RELL1: variants seen among roughly 807,000 people sequenced by gnomAD.
RELL1 encodes the protein RELT-like protein 1.
A neutral mutation model predicts 23.0 loss-of-function variants in RELL1; 10 were observed. That is an observed-to-expected ratio of 0.43 (90% CI 0.27 to 0.74). The LOEUF is 0.74. Among genes scored for constraint, RELL1 ranks in the 30% least tolerant of loss-of-function variants. The probability of loss-of-function intolerance (pLI) is 0.19; values close to 1 mark genes in which losing one functional copy is unlikely to be tolerated. For missense variants in RELL1, 315 were observed against 364.4 expected, an observed-to-expected ratio of 0.86 and a Z score of 1.10; for synonymous variants, 146 against 146.8, an observed-to-expected ratio of 0.99 and a Z score of 0.04.
intron 6 of RELL1, among the ~76,000 whole-genome samples, chr4:37,598,252 CAAAA>C (rs56142508): frequency 3.7e-3 from 42 of 11,308 alleles, no homozygotes; most frequent in African/African-American, 0.014. Flanking sequence ...AACTCTGTCT[CAAAA>C]AAAAAAAAAA....
intron 1 of RELL1, among the ~76,000 whole-genome samples, chr4:37,666,981 G>C (rs999833095): frequency 6.6e-6 from 1 of 152,164 alleles, no homozygotes; most frequent in African/African-American, 2.4e-5. Flanking sequence ...ATCTGTCCCG[G>C]CTGAAGTCCC....
intron 5 of RELL1, among the ~76,000 whole-genome samples, chr4:37,634,232 G>C (rs374214802): frequency 5.2e-5 from 8 of 152,382 alleles, no homozygotes; most frequent in African/African-American, 1.9e-4. Context: ...ACAGTGGAAA[G>C]CACCACCCAC....
At chr4:37,607,143 A>AT (rs1173169475), downstream of RELL1, among the ~76,000 whole-genome samples, 2 of 152,218 alleles carry the variant, frequency 1.3e-5, no homozygotes, top group African/African-American at 2.4e-5. Flanking sequence ...ACAAGAAAAG[A>AT]CTAAAGGGCA....
chr4:37,626,988 A>G (rs571981631), intron 6 of RELL1, among the ~76,000 whole-genome samples: 68 of 152,342 alleles, frequency 4.5e-4, no homozygotes, highest in African/African-American at 1.5e-3. Context: ...AATGTATCAT[A>G]TTCTTAAAAA....
intron 6 of RELL1, among the ~76,000 whole-genome samples, chr4:37,600,531 TTCA>T (rs1350767941): frequency 2.0e-5 from 3 of 152,196 alleles, no homozygotes; most frequent in South Asian, 2.1e-4. Context: ...TCTCATTATC[TTCA>T]TCATTTAACA....
downstream of RELL1, chr4:37,588,555 CCTT>C (rs1408010683): frequency 6.1e-6 from 2 of 326,490 alleles, no homozygotes; most frequent in Non-Finnish European, 1.1e-5. Context: ...CATCCTTCCA[CCTT>C]CTTCTCCTCA....
intron 1 of RELL1, among the ~76,000 whole-genome samples, chr4:37,654,153 T>C (rs1721042388): frequency 6.6e-6 from 1 of 152,216 alleles, no homozygotes. Flanking sequence ...GTCATAATCA[T>C]AAAAGACCTG....
intron 6 of RELL1, among the ~76,000 whole-genome samples, chr4:37,619,479 C>T (rs1719696811): frequency 6.6e-6 from 1 of 152,120 alleles, no homozygotes; most frequent in Non-Finnish European, 1.5e-5. Flanking sequence ...CCGCACCCAG[C>T]CCCTGCACCC....
chr4:37,613,577 T>C (rs4832924), intron 6 of RELL1, among the ~76,000 whole-genome samples: 151,673 of 152,244 alleles, frequency 1, 75,557 homozygotes, highest in Middle Eastern at 1. Flanking sequence ...GCTGTTTAAA[T>C]GTATGTGCCC....
chr4:37,609,736 A>G (rs938670798), downstream of RELL1, among the ~76,000 whole-genome samples: 1 of 152,222 alleles, frequency 6.6e-6, no homozygotes, highest in African/African-American at 2.4e-5. Context: ...AAGTCACTGC[A>G]GATGTGGTGG....
chr4:37,651,168 T>G (rs993789574), intron 1 of RELL1, among the ~76,000 whole-genome samples: 3 of 152,154 alleles, frequency 2.0e-5, no homozygotes, highest in Non-Finnish European at 4.4e-5. Flanking sequence ...CCACTATTAA[T>G]ATTTAGGCTG....
chr4:37,590,633 G>A (rs746307400), downstream of RELL1: 11 of 1,614,028 alleles, frequency 6.8e-6, no homozygotes, highest in Non-Finnish European at 9.3e-6. Flanking sequence ...CAGCATTGGG[G>A]CCCAGCTGGA....
intron 6 of RELL1, among the ~76,000 whole-genome samples, chr4:37,617,065 C>T (rs1316516815): frequency 1.3e-5 from 2 of 152,180 alleles, no homozygotes; most frequent in African/African-American, 4.8e-5. Flanking sequence ...TCTTGTTTAA[C>T]AAACCCAATA....
downstream of RELL1, among the ~76,000 whole-genome samples, chr4:37,586,986 G>C (rs1390504227): frequency 6.6e-6 from 1 of 152,138 alleles, no homozygotes; most frequent in Non-Finnish European, 1.5e-5. Flanking sequence ...TCTGAAATTG[G>C]TATCAGTGGG....
At chr4:37,631,655 A>T in intron 5 of RELL1, 132 bp from the exon 6 acceptor site, 1 of 915,594 alleles carries the variant, frequency 1.1e-6, no homozygotes, top group Non-Finnish European at 1.6e-6. Context: ...ATGAAAAACA[A>T]CATATTCGAA....
At chr4:37,630,295 A>C (rs1376185904) in intron 6 of RELL1, among the ~76,000 whole-genome samples, 1 of 149,974 alleles carries the variant, frequency 6.7e-6, no homozygotes. Context: ...GAAATAAAGG[A>C]GTTAAGATGA....
chr4:37,658,636 T>C (rs1257864429), intron 1 of RELL1, among the ~76,000 whole-genome samples: 1 of 152,100 alleles, frequency 6.6e-6, no homozygotes, highest in African/African-American at 2.4e-5. Flanking sequence ...AAACACACTT[T>C]ATGTTACTCT....
intron 1 of RELL1, among the ~76,000 whole-genome samples, chr4:37,651,428 T>G (rs1489608465): frequency 6.6e-6 from 1 of 152,172 alleles, no homozygotes; most frequent in African/African-American, 2.4e-5. Flanking sequence ...AAGGATAAAG[T>G]GAGGTTTTCT....
downstream of RELL1, among the ~76,000 whole-genome samples, chr4:37,605,793 G>GAGAAAGAAAGAAAGAAAGAA (rs771797298): frequency 6.5e-4 from 59 of 90,388 alleles, 1 homozygote; most frequent in Middle Eastern, 5.7e-3. Flanking sequence ...GAGAAAGAAA[G>GAGAAAGAAAGAAAGAAAGAA]AGAAAGAAAG....
Sources: gnomAD v4.1 joint callset for allele counts (sites outside exome capture counted in the v4.1 genomes callset) on GRCh38, gnomAD v4.1.1 for gene constraint, MANE v1.5 for transcripts, NCBI Gene and HGNC (gene_info 2026-07-23, HGNC 2026-07-21) for gene names.